Variants in PPP1R9A observed in about 807,000 individuals in gnomAD.
The protein encoded by PPP1R9A is protein phosphatase 1 regulatory subunit 9A.
In PPP1R9A, 59 loss-of-function variants were observed where a neutral mutation model predicts 141.9. The observed-to-expected ratio is 0.42, with a 90% CI of 0.34 to 0.52. The LOEUF (loss-of-function observed/expected upper bound fraction) is 0.52, where lower values mean the gene tolerates loss of function less well. PPP1R9A is among the 20% of genes least tolerant of loss of function. The pLI, the probability that PPP1R9A is intolerant of heterozygous loss-of-function variation, is 0.10. For synonymous variants in PPP1R9A, 500 were observed against 569.7 expected (o/e 0.88, Z 1.74); for missense variants, 1,444 against 1,611.9 (o/e 0.90, Z 1.78).
At position 95,062,359 on chromosome 7, in the gene PPP1R9A, C is replaced by A. The variant is rs566380666; in HGVS notation, c.1396-48900C>A. On this transcript the variant is annotated intron_variant, in intron 2 of 19. Coordinates refer to ENST00000433360, the MANE Select transcript of PPP1R9A (RefSeq NM_001166160.2). ...CAGTGTGAAAGAGAACCCAAAATGT[C>A]CTGTGCAGGTCTTTCTTGCTCCTTC... 2.0e-5 allele frequency among the ~76,000 whole-genome samples: 3 copies of A among 152,086 alleles called. No individual in the cohort carries two copies. In the East Asian group the frequency reaches 5.8e-4, roughly 29 times the overall value.
chr7:94,938,587 C>A (rs1795014634), intron 2 of PPP1R9A, among the ~76,000 whole-genome samples: 1 of 151,750 alleles, frequency 6.6e-6, no homozygotes, highest in Non-Finnish European at 1.5e-5. Flanking sequence ...CTGTCATCTT[C>A]CTTAATGTGG....
chr7:94,972,172 A>C (rs1354011024), intron 2 of PPP1R9A, among the ~76,000 whole-genome samples: 2 of 152,032 alleles, frequency 1.3e-5, no homozygotes, highest in African/African-American at 4.8e-5. Context: ...TTTTCATACA[A>C]CCTTGGTATT....
intron 2 of PPP1R9A, among the ~76,000 whole-genome samples, chr7:95,041,059 T>C (rs926495062): frequency 3.3e-5 from 5 of 152,222 alleles, no homozygotes; most frequent in Admixed American, 3.3e-4. Context: ...TTGTATCTCC[T>C]GGGTCTCTAA....
intron 2 of PPP1R9A, among the ~76,000 whole-genome samples, chr7:94,995,973 G>C (rs1584181996): frequency 6.6e-6 from 1 of 152,192 alleles, no homozygotes; most frequent in East Asian, 1.9e-4. Context: ...TTTGGATCTT[G>C]CTTTAAAAAG....
At chr7:94,966,425 G>A (rs764297979) in intron 2 of PPP1R9A, among the ~76,000 whole-genome samples, 18 of 152,054 alleles carry the variant, frequency 1.2e-4, no homozygotes, top group Non-Finnish European at 2.1e-4. Flanking sequence ...CCAATTTTTG[G>A]CCATTGATTA....
chr7:94,955,604 G>A (rs139903927), intron 2 of PPP1R9A, among the ~76,000 whole-genome samples: 201 of 152,200 alleles, frequency 1.3e-3, no homozygotes, highest in African/African-American at 4.7e-3. Flanking sequence ...ACTGAAACGG[G>A]TATAGCTATT....
chr7:95,217,545 G>T (rs1793665850), intron 7 of PPP1R9A, among the ~76,000 whole-genome samples: 1 of 152,148 alleles, frequency 6.6e-6, no homozygotes, highest in South Asian at 2.1e-4. Flanking sequence ...AGAAGGAATG[G>T]TACCAGCTCC....
chr7:95,220,526 A>G (rs1397238706), intron 7 of PPP1R9A, among the ~76,000 whole-genome samples: 1 of 152,086 alleles, frequency 6.6e-6, no homozygotes, highest in Non-Finnish European at 1.5e-5. Context: ...GTGTTTCACT[A>G]TATTTCATCC....
At chr7:94,967,595 A>G (rs1798360310) in intron 2 of PPP1R9A, among the ~76,000 whole-genome samples, 2 of 152,072 alleles carry the variant, frequency 1.3e-5, no homozygotes, top group Admixed American at 1.3e-4. Flanking sequence ...ATTCAGGAGC[A>G]GGTTGTTCAG....
intron 17 of PPP1R9A, 26 bp from the exon 18 acceptor site, chr7:95,286,180 A>G (rs368851234): frequency 2.5e-6 from 4 of 1,610,588 alleles, no homozygotes; most frequent in Non-Finnish European, 3.4e-6. Flanking sequence ...CACTCATTTA[A>G]CACTGAGCTT....
intron 2 of PPP1R9A, among the ~76,000 whole-genome samples, chr7:94,990,697 C>G (rs1801399249): frequency 6.6e-6 from 1 of 151,754 alleles, no homozygotes; most frequent in Non-Finnish European, 1.5e-5. Flanking sequence ...TCTCCCTTTC[C>G]CTTCCTTGTG....
chr7:95,273,410 C>G (rs1345863796), intron 14 of PPP1R9A, among the ~76,000 whole-genome samples: 1 of 152,212 alleles, frequency 6.6e-6, no homozygotes, highest in Non-Finnish European at 1.5e-5. Flanking sequence ...TTGACTCTGA[C>G]TTTCCCCCTA....
intron 17 of PPP1R9A, among the ~76,000 whole-genome samples, chr7:95,284,635 A>G (rs1035293370): frequency 2.6e-5 from 4 of 152,242 alleles, no homozygotes; most frequent in African/African-American, 9.6e-5. Context: ...TTGGGACTGA[A>G]TACGAGTTCA....
intron 2 of PPP1R9A, among the ~76,000 whole-genome samples, chr7:95,081,453 T>G (rs1815818057): frequency 6.6e-6 from 1 of 152,180 alleles, no homozygotes; most frequent in Admixed American, 6.5e-5. Flanking sequence ...CAAATCAAAC[T>G]TCTAGAGATA....
chr7:95,211,198 T>C (rs1792054896), intron 7 of PPP1R9A, among the ~76,000 whole-genome samples: 1 of 151,730 alleles, frequency 6.6e-6, no homozygotes, highest in Non-Finnish European at 1.5e-5. Flanking sequence ...GTCTGACCCA[T>C]GGACAGACAA....
intron 4 of PPP1R9A, among the ~76,000 whole-genome samples, chr7:95,151,941 CTTTTTTTTTTTTT>C (rs1167382285): frequency 1.8e-5 from 1 of 54,446 alleles, no homozygotes. Flanking sequence ...TACTGAGAAT[CTTTTTTTTTTTTT>C]TTTTTTTTTT....
At chr7:95,132,178 CT>C (rs1198486777) in intron 4 of PPP1R9A, among the ~76,000 whole-genome samples, 1 of 152,052 alleles carries the variant, frequency 6.6e-6, no homozygotes, top group Non-Finnish European at 1.5e-5. Context: ...TGTCTTATTT[CT>C]TTCTCTTACC....
chr7:94,977,501 T>C (rs533127683), intron 2 of PPP1R9A, among the ~76,000 whole-genome samples: 12 of 152,284 alleles, frequency 7.9e-5, no homozygotes, highest in African/African-American at 2.4e-4. Context: ...ATTGAAGACA[T>C]TGGTAATCTT....
At chr7:95,265,955 A>T (rs1801222356) in intron 12 of PPP1R9A, among the ~76,000 whole-genome samples, 1 of 152,204 alleles carries the variant, frequency 6.6e-6, no homozygotes, top group African/African-American at 2.4e-5. Flanking sequence ...GTTAAAGCAG[A>T]TACACCAGAT....
Sources: allele counts gnomAD v4.1 joint callset (sites outside exome capture counted in the v4.1 genomes callset), GRCh38; gene constraint gnomAD v4.1.1; transcripts MANE v1.5; gene names NCBI Gene and HGNC (gene_info 2026-07-23, HGNC 2026-07-21).